Variants in SCRIB observed in about 807,000 individuals in gnomAD.
SCRIB encodes the protein protein scribble homolog.
Under a neutral mutation model 170.0 loss-of-function variants are expected in SCRIB, and 72 were observed. That is an observed-to-expected ratio of 0.42 (90% confidence interval 0.35 to 0.52). The LOEUF (loss-of-function observed/expected upper bound fraction) is 0.52. SCRIB is among the 20% of genes least tolerant of loss of function. The probability of loss-of-function intolerance (pLI) is 0.02; values close to 1 mark genes in which losing one functional copy is unlikely to be tolerated. For missense variants in SCRIB, 2,475 were observed against 2,338.5 expected (o/e 1.06, Z -1.20); for synonymous variants, 1,298 against 1,044.3 (o/e 1.24, Z -4.68).
intron 8 of SCRIB, 46 bp from the exon 9 acceptor site, chr8:143,812,430 A>C: frequency 7.0e-7 from 1 of 1,426,548 alleles, no homozygotes; most frequent in East Asian, 2.3e-5. Flanking sequence ...TGGTCCCCAG[A>C]CGTGCCTTAC....
Position 143,815,486 on chromosome 8 carries a change from G to T in SCRIB, c.-114C>A. The stretch of plus-strand genomic sequence containing the variant: ...TGGGGAGGGGGCGCAGGCAGGGGGC[G>T]GGCCGCCCGAGACTGGACGGGGACG... On this transcript the variant is annotated 5_prime_UTR_variant, in exon 1 of 37. Transcript: ENST00000356994. The T allele has an allele frequency of 9.9e-7, 1 of 1,006,886 alleles. No individual in the cohort carries two copies. Among genetic ancestry groups the T allele is most frequent in the South Asian group, 4.5e-5 (1 of 22,290 alleles). 62.4% of individuals were successfully genotyped at this position (1,006,886 alleles called of 1,614,324 possible). A position where few individuals can be genotyped will look rare whatever the true frequency, so the allele number is the denominator to read the frequency against.
intron 24 of SCRIB, among the ~76,000 whole-genome samples, chr8:143,795,792 T>G (rs553651355): frequency 3.5e-4 from 53 of 152,284 alleles, no homozygotes; most frequent in African/African-American, 1.3e-3. Context: ...TAGGCAAGAC[T>G]GTGAAGTAGC....
In SCRIB at chr8:143,815,742, G is replaced by C; in HGVS notation, c.-370C>G. ...GGACTGCCCCGCCGACACCCACCCG[G>C]CCGCCGCGCAGCCCGTCGGGAAGCC... On this transcript the variant is annotated 5_prime_UTR_variant, in exon 1 of 37. Coordinates refer to ENST00000356994, the MANE Select transcript of SCRIB (RefSeq NM_182706.5). The C allele has an allele frequency of 2.0e-6, 2 of 984,150 alleles. No individual in the cohort carries two copies. The highest frequency in any genetic ancestry group is 2.4e-6 in the Non-Finnish European group (2 of 829,514). The allele number at this position is 984,150 out of a possible 1,614,324, so 61.0% of individuals were successfully genotyped here.
chr8:143,794,128 C>T (rs1294486545), intron 27 of SCRIB, 166 bp from the exon 28 acceptor site: 6 of 629,414 alleles, frequency 9.5e-6, no homozygotes, highest in African/African-American at 7.3e-5. Flanking sequence ...CACGGAGGGG[C>T]TCGTCCCCGT....
chr8:143,815,597 G>C lies in SCRIB; in HGVS notation c.-225C>G, dbSNP rs1816058209. On this transcript the variant is annotated 5_prime_UTR_variant, in exon 1 of 37. Transcript: ENST00000356994. The stretch of plus-strand genomic sequence containing the variant: ...AGGGGGCGCGGCCCGGCGGGTCTCA[G>C]ACTCTTAGGAAGCGCGGGGAGCGGC... 2.0e-6 allele frequency: 2 copies of C among 981,920 alleles called. No individual in the cohort carries two copies. The highest frequency in any genetic ancestry group is 1.8e-5 in the African/African-American group (1 of 56,812). 60.8% of individuals were successfully genotyped at this position (981,920 alleles called of 1,614,324 possible). A position where few individuals can be genotyped will look rare whatever the true frequency, so the allele number is the denominator to read the frequency against.
At chr8:143,813,003 C>A in intron 7 of SCRIB, 27 bp downstream of exon 7, 1 of 1,609,548 alleles carries the variant, frequency 6.2e-7, no homozygotes. Flanking sequence ...GGGCACGAAG[C>A]AGGGGGCCAG....
At position 143,795,068 on chromosome 8, in the gene SCRIB, G is replaced by A. The variant is rs374680800; in HGVS notation, c.3816C>T (p.Ala1272=). Residue 1272 remains alanine (A), a synonymous_variant, in exon 27 of 37, where the codon GCC becomes GCT. Transcript: ENST00000356994. ...GCACGCTGCCAGCGCTGGGCACGGC[G>A]GCCAGGGCGCGGTAGTCCAGCTTCA... The part of the protein sequence containing the change: ...QPLKLDYRAL[A]AVPSAGSVQR... The A allele has an allele frequency of 2.7e-4, 435 of 1,611,156 alleles. No homozygotes were observed. The highest frequency in any genetic ancestry group is 2.8e-4 in the Non-Finnish European group (331 of 1,179,248).
chr8:143,812,671 C>T, intron 8 of SCRIB, 146 bp downstream of exon 8: 2 of 1,139,858 alleles, frequency 1.8e-6, no homozygotes, highest in South Asian at 1.5e-5. Context: ...CAGGGTCCCA[C>T]CTCCCCTCCC....
Position 143,793,100 on chromosome 8 carries a change from T to G in SCRIB, c.3910-17A>C. On this transcript the variant is annotated splice_polypyrimidine_tract_variant and intron_variant, in intron 28 of 36. Transcript: ENST00000356994. Reference sequence around the variant, plus strand: ...GGAGGGCGGCTGGGGGGTGGGGCTCTTGTGAGCTATGCTGGGGCAGCTGTC... The same window carrying G: ...GGAGGGCGGCTGGGGGGTGGGGCTCGTGTGAGCTATGCTGGGGCAGCTGTC... 3 of 1,383,202 alleles carry G rather than the reference T, an allele frequency of 2.2e-6. No homozygotes were observed. Among genetic ancestry groups the G allele is most frequent in the Non-Finnish European group, 2.9e-6 (3 of 1,042,402 alleles). 85.7% of individuals were successfully genotyped at this position (1,383,202 alleles called of 1,614,324 possible). A position where few individuals can be genotyped will look rare whatever the true frequency, so the allele number is the denominator to read the frequency against.
intron 14 of SCRIB, 32 bp from the exon 15 acceptor site, chr8:143,809,057 G>C (rs772437441): frequency 6.3e-7 from 1 of 1,580,600 alleles, no homozygotes; most frequent in Non-Finnish European, 8.6e-7. Flanking sequence ...GGTGGCCCCA[G>C]CTCTGTGGCT....
Position 143,803,946 on chromosome 8 carries a change from AG to A in SCRIB, c.3121-7del. The A allele has an allele frequency of 1.9e-6, 3 of 1,575,524 alleles. No individual in the cohort carries two copies. Among genetic ancestry groups the A allele is most frequent in the Non-Finnish European group, 2.6e-6 (3 of 1,159,130 alleles). On this transcript the variant is annotated splice_polypyrimidine_tract_variant and splice_region_variant and intron_variant, in intron 22 of 36. Transcript: ENST00000356994. ...GCCAGGCCCCGCGGGAGCACCTGTC[AG>A]GGAGGAGGGTGGCAGCTGGTGGCTG...
rs1186041027 is a variant in SCRIB at position 143,803,533 on chromosome 8, C to T, written c.3453G>A (p.Leu1151=). ...PTGAAGRDGR[L]RVGLRLLEVN... ...CCTCCAACAGCCGCAAACCCACACGCAGCCGACCGTCGCGCCCGGCTGCCC... is the reference window on the plus strand; with the variant it reads ...CCTCCAACAGCCGCAAACCCACACGTAGCCGACCGTCGCGCCCGGCTGCCC... Residue 1151 remains leucine, a synonymous_variant, in exon 24 of 37, where the codon CTG becomes CTA. Transcript: ENST00000356994. 6.9e-6 allele frequency: 11 copies of T among 1,604,248 alleles called. No individual in the cohort carries two copies. Among genetic ancestry groups the T allele is most frequent in the South Asian group, 2.2e-5 (2 of 90,934 alleles).
intron 21 of SCRIB, 33 bp from the exon 22 acceptor site, chr8:143,804,189 C>G: frequency 2.7e-6 from 4 of 1,503,410 alleles, no homozygotes; most frequent in Non-Finnish European, 3.6e-6. Context: ...GGACAGGCCT[C>G]GGTCAGGACA....
At position 143,791,058 on chromosome 8, in the gene SCRIB, G is replaced by A; in HGVS notation, c.*105C>T. On this transcript the variant is annotated 3_prime_UTR_variant, in exon 37 of 37. Transcript: ENST00000356994. ...GTTAGTCACAGGCCAGAACTCCTGTGGGGTCTCTTTAAAATGCTAACACCC... is the reference window on the plus strand; with the variant it reads ...GTTAGTCACAGGCCAGAACTCCTGTAGGGTCTCTTTAAAATGCTAACACCC... 2 of 1,231,454 alleles carry A rather than the reference G, an allele frequency of 1.6e-6. No individual in the cohort carries two copies. Among genetic ancestry groups the A allele is most frequent in the Non-Finnish European group, 2.1e-6 (2 of 960,826 alleles). 76.3% of individuals were successfully genotyped at this position (1,231,454 alleles called of 1,614,324 possible).
Position 143,792,965 on chromosome 8 carries a change from C to A in SCRIB, c.4017+11G>T. ...CCACGCGCAGCAGGGAGGCGTGCTG[C>A]CCCCACACACCTGGGCAGGGGCATC... On this transcript the variant is annotated intron_variant, in intron 29 of 36. Transcript: ENST00000356994. 6.7e-7 allele frequency: 1 copy of A among 1,498,082 alleles called. No homozygotes were observed. Among genetic ancestry groups the A allele is most frequent in the Non-Finnish European group, 8.9e-7 (1 of 1,124,588 alleles). The allele number at this position is 1,498,082 out of a possible 1,614,324, so 92.8% of individuals were successfully genotyped here. A position where few individuals can be genotyped will look rare whatever the true frequency, so the allele number is the denominator to read the frequency against.
intron 8 of SCRIB, 129 bp downstream of exon 8, chr8:143,812,688 C>T (rs1023549631): frequency 3.1e-6 from 4 of 1,279,888 alleles, no homozygotes; most frequent in Non-Finnish European, 3.2e-6. Context: ...TCCCCAGGGA[C>T]AGCTCCCAGA....
chr8:143,813,013 G>A lies in SCRIB; in HGVS notation c.642+17C>T, dbSNP rs1206103807. 1 of 1,607,268 alleles carries A rather than the reference G, an allele frequency of 6.2e-7. No individual in the cohort carries two copies. Among genetic ancestry groups the A allele is most frequent in the African/African-American group, 1.3e-5 (1 of 74,920 alleles). On this transcript the variant is annotated intron_variant, in intron 7 of 36. Transcript: ENST00000356994. ...CGGATGGGCACGAAGCAGGGGGCCA[G>A]CCCCACCCTGACTCACCGGGGGCAG...
intron 23 of SCRIB, 24 bp from the exon 24 acceptor site, chr8:143,803,595 G>C: frequency 7.4e-7 from 1 of 1,349,384 alleles, no homozygotes; most frequent in Non-Finnish European, 1.0e-6. Flanking sequence ...TGGTATGGGA[G>C]AGACCTGTTG....
At chr8:143,804,006 G>A (rs1334842988) in intron 22 of SCRIB, 40 bp downstream of exon 22, 9 of 1,577,558 alleles carry the variant, frequency 5.7e-6, no homozygotes, top group Non-Finnish European at 7.8e-6. Flanking sequence ...ACCTGGGATG[G>A]GTGCACCTCT....
Sources: gnomAD v4.1 joint callset for allele counts (sites outside exome capture counted in the v4.1 genomes callset) on GRCh38, gnomAD v4.1.1 for gene constraint, MANE v1.5 for transcripts, NCBI Gene and HGNC (gene_info 2026-07-23, HGNC 2026-07-21) for gene names.